Variants in SAP30BP observed in about 807,000 individuals in gnomAD.
SAP30BP encodes SAP30-binding protein.
A neutral mutation model predicts 46.3 loss-of-function variants in SAP30BP; 31 were observed. The observed-to-expected ratio is 0.67, with a 90% CI of 0.50 to 0.90. The LOEUF is 0.90. Ranked by LOEUF, SAP30BP falls within the 40% of genes least tolerant of loss-of-function variation. The pLI is 0.00. For missense variants in SAP30BP, 312 were observed against 391.0 expected, an observed-to-expected ratio of 0.80 and a Z score of 1.70; for synonymous variants, 169 against 144.2, an observed-to-expected ratio of 1.17 and a Z score of -1.23.
intron 3 of SAP30BP, among the ~76,000 whole-genome samples, chr17:75,689,534 G>A (rs892495987): frequency 6.6e-6 from 1 of 152,196 alleles, no homozygotes; most frequent in Non-Finnish European, 1.5e-5. Flanking sequence ...CCCTCAGCCT[G>A]TTCTGGCTGT....
intron 2 of SAP30BP, among the ~76,000 whole-genome samples, chr17:75,669,781 T>C (rs142183917): frequency 2.6e-4 from 40 of 152,262 alleles, no homozygotes; most frequent in African/African-American, 8.7e-4. Context: ...GTTCAGTAGG[T>C]GCTGGAGAAA....
chr17:75,692,080 G>A (rs958055037), intron 3 of SAP30BP: 11 of 303,746 alleles, frequency 3.6e-5, no homozygotes, highest in Non-Finnish European at 4.8e-5. Context: ...GCAGTGGCTC[G>A]AAGAGATGGG....
At chr17:75,670,815 G>A (rs773356494) in intron 2 of SAP30BP, among the ~76,000 whole-genome samples, 25 of 152,162 alleles carry the variant, frequency 1.6e-4, no homozygotes, top group Non-Finnish European at 3.4e-4. Flanking sequence ...CAAGTCTCTC[G>A]AGTGGTATTT....
At chr17:75,700,950 C>T (rs980722304) in intron 5 of SAP30BP, among the ~76,000 whole-genome samples, 4 of 152,212 alleles carry the variant, frequency 2.6e-5, no homozygotes, top group Non-Finnish European at 5.9e-5. Flanking sequence ...CCAGGAGACA[C>T]AGCCAAGTCA....
chr17:75,687,936 G>GTT (rs1568311183), intron 3 of SAP30BP, among the ~76,000 whole-genome samples: 1 of 95,896 alleles, frequency 1.0e-5, no homozygotes, highest in Non-Finnish European at 2.4e-5. Flanking sequence ...GTGTGTGTGT[G>GTT]TGTGTGTGTG....
chr17:75,685,751 TG>T (rs1395433090), intron 3 of SAP30BP, among the ~76,000 whole-genome samples: 3 of 152,136 alleles, frequency 2.0e-5, no homozygotes, highest in Non-Finnish European at 4.4e-5. Flanking sequence ...ACTGTTCTTG[TG>T]GGAAGCCTTG....
intron 1 of SAP30BP, 87 bp downstream of exon 1, chr17:75,667,565 T>C (rs1423442517): frequency 8.0e-7 from 1 of 1,247,144 alleles, no homozygotes; most frequent in African/African-American, 1.5e-5. Context: ...AACAAGATGG[T>C]CATTGTGCTC....
At position 75,670,321 on chromosome 17, in the gene SAP30BP, TA is replaced by T. The variant is rs74801867; in HGVS notation, c.217-1481del. Reference sequence around the variant, plus strand: ...TGGGCAACAGAGCCAGACTCCATCTTAAAAAAAAAAAAAATTATTTCCACAA... The same window carrying T: ...TGGGCAACAGAGCCAGACTCCATCTTAAAAAAAAAAAAATTATTTCCACAA... On this transcript the variant is annotated intron_variant, in intron 2 of 10. Coordinates refer to ENST00000584667, the MANE Select transcript of SAP30BP (RefSeq NM_013260.8). Among the ~76,000 whole-genome samples the T allele has an allele frequency of 1.7e-3, 248 of 144,426 alleles. 1 individual carries two copies. The highest frequency in any genetic ancestry group is 3.5e-3 in the Middle Eastern group (1 of 284). 94.7% of individuals were successfully genotyped at this position (144,426 alleles called of 152,430 possible).
At chr17:75,672,695 G>A (rs747070075) in intron 3 of SAP30BP, among the ~76,000 whole-genome samples, 22 of 152,136 alleles carry the variant, frequency 1.4e-4, no homozygotes, top group Non-Finnish European at 1.6e-4. Flanking sequence ...AGTAGCTCAC[G>A]CCTGTAATCC....
intron 8 of SAP30BP, among the ~76,000 whole-genome samples, chr17:75,704,379 T>C (rs2060462143): frequency 6.6e-6 from 1 of 152,220 alleles, no homozygotes; most frequent in Non-Finnish European, 1.5e-5. Flanking sequence ...TAGAGGTGCT[T>C]TGTTTGGCCT....
intron 3 of SAP30BP, among the ~76,000 whole-genome samples, chr17:75,681,438 A>G (rs928953411): frequency 6.6e-6 from 1 of 152,180 alleles, no homozygotes; most frequent in Non-Finnish European, 1.5e-5. Flanking sequence ...CACAGTCTAG[A>G]TGAGGATTTG....
chr17:75,700,858 T>C (rs2060399161), intron 5 of SAP30BP, among the ~76,000 whole-genome samples: 1 of 152,236 alleles, frequency 6.6e-6, no homozygotes, highest in African/African-American at 2.4e-5. Flanking sequence ...GTGCCTCCTC[T>C]TTAGACCCTC....
intron 3 of SAP30BP, among the ~76,000 whole-genome samples, chr17:75,687,393 A>T (rs1418366149): frequency 1.3e-5 from 2 of 152,102 alleles, no homozygotes; most frequent in Non-Finnish European, 2.9e-5. Context: ...TGGCAGGAGG[A>T]TTGCTTGAGC....
rs1185542691 is a variant in SAP30BP at position 75,706,787 on chromosome 17, T to C, written c.*266T>C. On this transcript the variant is annotated 3_prime_UTR_variant, in exon 11 of 11. Coordinates refer to ENST00000584667, the MANE Select transcript of SAP30BP (RefSeq NM_013260.8). The surrounding 1 kb of genome is among the most constrained non-coding windows in gnomAD (Gnocchi z 4.6). ...TTGGCATCTCAGATGCACTGGCCTC[T>C]CCTGCATTCTGTTTGCAGGCAAATG... The C allele has an allele frequency of 6.0e-6, 3 of 498,462 alleles. No homozygotes were observed. The highest frequency in any genetic ancestry group is 1.1e-5 in the Non-Finnish European group (3 of 277,784). 30.9% of individuals were successfully genotyped at this position (498,462 alleles called of 1,614,324 possible). A position where few individuals can be genotyped will look rare whatever the true frequency, so the allele number is the denominator to read the frequency against.
At chr17:75,703,082 G>A (rs1433230092) in intron 6 of SAP30BP, 1 of 570,914 alleles carries the variant, frequency 1.8e-6, no homozygotes, top group African/African-American at 1.9e-5. Flanking sequence ...CAGACTGAAG[G>A]TCAGTGAGAC....
At chr17:75,705,756 T>G (rs1599179275) in intron 9 of SAP30BP, 3 of 1,067,102 alleles carry the variant, frequency 2.8e-6, no homozygotes, top group Non-Finnish European at 3.7e-6. Flanking sequence ...GGGCGGGGGG[T>G]GCCGGGCATG....
At chr17:75,680,594 C>T (rs924905793) in intron 3 of SAP30BP, among the ~76,000 whole-genome samples, 35 of 152,216 alleles carry the variant, frequency 2.3e-4, no homozygotes, top group African/African-American at 6.8e-4. Flanking sequence ...TCGCAGTATA[C>T]AATGCACTTG....
At chr17:75,678,393 T>G (rs931010008) in intron 3 of SAP30BP, among the ~76,000 whole-genome samples, 1 of 152,018 alleles carries the variant, frequency 6.6e-6, no homozygotes, top group Non-Finnish European at 1.5e-5. Flanking sequence ...TAACTAGTTG[T>G]TAGACTGTGT....
intron 2 of SAP30BP, among the ~76,000 whole-genome samples, chr17:75,670,490 C>T (rs1277515587): frequency 6.7e-6 from 1 of 150,348 alleles, no homozygotes; most frequent in Non-Finnish European, 1.5e-5. Context: ...TTCTGAAGTA[C>T]ACACATTCTG....
Sources: gnomAD v4.1 joint callset for allele counts (sites outside exome capture counted in the v4.1 genomes callset) on GRCh38, gnomAD v4.1.1 for gene constraint, Gnocchi (gnomAD v3.1) non-coding constraint, MANE v1.5 for transcripts, NCBI Gene and HGNC (gene_info 2026-07-23, HGNC 2026-07-21) for gene names.